KMT2C: variants seen among roughly 807,000 people sequenced by gnomAD.
KMT2C encodes lysine methyltransferase 2C, also known as histone-lysine N-methyltransferase 2C.
A neutral mutation model predicts 507.9 loss-of-function variants in KMT2C; 88 were observed. That is an observed-to-expected ratio of 0.17 (90% confidence interval 0.15 to 0.21). The LOEUF (loss-of-function observed/expected upper bound fraction) is 0.21. Among genes scored for constraint, KMT2C ranks in the 10% least tolerant of loss-of-function variants. KMT2C has a pLI of 1.00. For missense variants in KMT2C, 4,954 were observed against 5,957.8 expected, an observed-to-expected ratio of 0.83 and a Z score of 5.55; for synonymous variants, 2,049 against 2,080.8, an observed-to-expected ratio of 0.98 and a Z score of 0.42.
intron 31 of KMT2C, among the ~76,000 whole-genome samples, chr7:152,188,575 CAAAA>C (rs35832014): frequency 9.1e-6 from 1 of 110,280 alleles, no homozygotes; most frequent in Non-Finnish European, 1.9e-5. Flanking sequence ...CTCTTAATAC[CAAAA>C]AAAAAAAAAA....
intron 1 of KMT2C, among the ~76,000 whole-genome samples, chr7:152,379,208 T>C (rs1352003781): frequency 6.6e-6 from 1 of 152,160 alleles, no homozygotes; most frequent in East Asian, 1.9e-4. Flanking sequence ...TTCTTTCAGT[T>C]GAACCACTTT....
intron 6 of KMT2C, among the ~76,000 whole-genome samples, chr7:152,297,010 A>AAAGAAAGAAAGAAAGAAAGG (rs2129189904): frequency 1.2e-5 from 1 of 81,800 alleles, no homozygotes; most frequent in South Asian, 4.4e-4. Context: ...AGAAAGAAAG[A>AAAGAAAGAAAGAAAGAAAGG]AAGAAAGAAA....
chr7:152,368,738 A>T (rs969553374), intron 1 of KMT2C: 2 of 965,980 alleles, frequency 2.1e-6, no homozygotes, highest in Non-Finnish European at 3.2e-6. Context: ...GATCCGTTTG[A>T]CCAATATGCA....
chr7:152,158,773 C>G (rs1421674453), intron 44 of KMT2C, 90 bp downstream of exon 44: 1 of 1,230,152 alleles, frequency 8.1e-7, no homozygotes, highest in East Asian at 2.3e-5. Context: ...CCTCAGCCTC[C>G]CAAAGTGCTG....
At chr7:152,382,285 G>C (rs1490334789) in intron 1 of KMT2C, among the ~76,000 whole-genome samples, 2 of 152,128 alleles carry the variant, frequency 1.3e-5, no homozygotes, top group African/African-American at 4.8e-5. Context: ...AGGGAAACCA[G>C]ATCTAGCCAT....
chr7:152,140,257 T>C (rs1309969701), intron 55 of KMT2C, among the ~76,000 whole-genome samples: 3 of 152,228 alleles, frequency 2.0e-5, no homozygotes, highest in African/African-American at 7.2e-5. Flanking sequence ...GCTCTGAGTT[T>C]CCCAGCAGCC....
chr7:152,428,029 T>C (rs1477869577), intron 1 of KMT2C, among the ~76,000 whole-genome samples: 1 of 152,156 alleles, frequency 6.6e-6, no homozygotes, highest in Non-Finnish European at 1.5e-5. Flanking sequence ...TACCACAGTG[T>C]TTTTTTAATA....
chr7:152,221,013 G>T (rs1195786449), intron 22 of KMT2C, among the ~76,000 whole-genome samples: 3 of 152,140 alleles, frequency 2.0e-5, no homozygotes, highest in African/African-American at 7.2e-5. Context: ...CCAGCACTTT[G>T]GGGGGCCGAG....
chr7:152,150,329 A>G (rs1425604434), intron 51 of KMT2C, among the ~76,000 whole-genome samples: 1 of 152,168 alleles, frequency 6.6e-6, no homozygotes, highest in Non-Finnish European at 1.5e-5. Flanking sequence ...AAATATTAAG[A>G]TATTTACGGC....
intron 4 of KMT2C, among the ~76,000 whole-genome samples, chr7:152,312,801 T>C (rs1217357436): frequency 6.6e-6 from 1 of 152,170 alleles, no homozygotes; most frequent in Non-Finnish European, 1.5e-5. Context: ...TGACTACCAC[T>C]AAAACTTAAA....
intron 1 of KMT2C, among the ~76,000 whole-genome samples, chr7:152,411,853 G>A (rs1220374566): frequency 6.6e-6 from 1 of 152,298 alleles, no homozygotes; most frequent in Non-Finnish European, 1.5e-5. Flanking sequence ...TAAAATCTTG[G>A]GTTAACTCCC....
chr7:152,327,697 G>A (rs1053392797), intron 3 of KMT2C, among the ~76,000 whole-genome samples: 1 of 152,020 alleles, frequency 6.6e-6, no homozygotes, highest in East Asian at 1.9e-4. Context: ...GGTGACTCAC[G>A]CCTGTACTCC....
chr7:152,179,040 G>T (rs886799972), intron 37 of KMT2C, among the ~76,000 whole-genome samples: 3 of 152,164 alleles, frequency 2.0e-5, no homozygotes, highest in African/African-American at 7.2e-5. Flanking sequence ...TCCCAGGCTG[G>T]AGTGCAGTGG....
chr7:152,174,302 G>A, intron 38 of KMT2C, 60 bp from the exon 39 acceptor site: 2 of 798,002 alleles, frequency 2.5e-6, no homozygotes, highest in African/African-American at 1.8e-5. Flanking sequence ...ACACTAAGAA[G>A]TAATTCAAAT....
intron 36 of KMT2C, 36 bp downstream of exon 36, chr7:152,180,675 A>C (rs1355518063): frequency 6.9e-7 from 1 of 1,451,614 alleles, no homozygotes; most frequent in East Asian, 2.3e-5. Context: ...TTCCTCAAAT[A>C]ATACATTTAA....
In KMT2C at chr7:152,435,936, C is replaced by T. The variant is rs2097913220; in HGVS notation, c.-150G>A. 34 of 765,812 alleles carry T rather than the reference C, an allele frequency of 4.4e-5. No homozygotes were observed. The South Asian group carries it at 8.7e-4, about 20-fold the overall frequency. 47.4% of individuals were successfully genotyped at this position (765,812 alleles called of 1,614,324 possible). A position where few individuals can be genotyped will look rare whatever the true frequency, so the allele number is the denominator to read the frequency against. ...GCAGCCCCGGGAGCAGCAGCAGGTACCGGGAGAGGCGGCAACATGGAGCGA... is the reference window on the plus strand; with the variant it reads ...GCAGCCCCGGGAGCAGCAGCAGGTATCGGGAGAGGCGGCAACATGGAGCGA... On this transcript the variant is annotated 5_prime_UTR_variant, in exon 1 of 59. Transcript: ENST00000262189.
intron 6 of KMT2C, among the ~76,000 whole-genome samples, chr7:152,295,656 T>C (rs2096484953): frequency 6.6e-6 from 1 of 152,208 alleles, no homozygotes; most frequent in East Asian, 1.9e-4. Context: ...TTCCACTTTT[T>C]CAGATACGCA....
At chr7:152,321,873 A>G (rs188689173) in intron 3 of KMT2C, among the ~76,000 whole-genome samples, 84 of 152,054 alleles carry the variant, frequency 5.5e-4, no homozygotes, top group Admixed American at 5.4e-3. Flanking sequence ...ATTCAATGCA[A>G]TATCTATCGA....
intron 1 of KMT2C, among the ~76,000 whole-genome samples, chr7:152,370,624 G>A (rs1001640099): frequency 1.1e-4 from 16 of 152,146 alleles, no homozygotes; most frequent in Non-Finnish European, 7.4e-5. Context: ...GAATATATTA[G>A]CAAATCAAAC....
Sources: allele counts gnomAD v4.1 joint callset (sites outside exome capture counted in the v4.1 genomes callset), GRCh38; gene constraint gnomAD v4.1.1; transcripts MANE v1.5; gene names NCBI Gene and HGNC (gene_info 2026-07-23, HGNC 2026-07-21).